The following SEC22C variants were observed in gnomAD, a reference collection of about 807,000 sequenced individuals.
SEC22C encodes vesicle-trafficking protein SEC22c.
Under a neutral mutation model 34.7 loss-of-function variants are expected in SEC22C, and 29 were observed. That is an observed-to-expected ratio of 0.84 (90% CI 0.62 to 1.14). SEC22C has a LOEUF of 1.14. Among genes scored for constraint, SEC22C ranks in the 50% most tolerant of loss-of-function variants. The probability of loss-of-function intolerance (pLI) is 0.00; values close to 1 mark genes in which losing one functional copy is unlikely to be tolerated. For synonymous variants in SEC22C, 117 were observed against 132.8 expected, an observed-to-expected ratio of 0.88 and a Z score of 0.82; for missense variants, 337 against 369.0, an observed-to-expected ratio of 0.91 and a Z score of 0.71.
chr3:42,561,840 T>C (rs987274582), intron 3 of SEC22C, among the ~76,000 whole-genome samples: 3 of 152,188 alleles, frequency 2.0e-5, no homozygotes, highest in Non-Finnish European at 4.4e-5. Context: ...AAGGCAATAA[T>C]GCATCACAGA....
chr3:42,586,058 C>G (rs1385742815), upstream of SEC22C, among the ~76,000 whole-genome samples: 1 of 152,152 alleles, frequency 6.6e-6, no homozygotes, highest in Non-Finnish European at 1.5e-5. Context: ...CCTTCTTTCC[C>G]CTCTCCCCTT....
At chr3:42,585,385 A>T (rs930980220), upstream of SEC22C, among the ~76,000 whole-genome samples, 1 of 152,182 alleles carries the variant, frequency 6.6e-6, no homozygotes, top group Admixed American at 6.5e-5. Flanking sequence ...AGTCCTCTTC[A>T]GTCCTCCACT....
upstream of SEC22C, among the ~76,000 whole-genome samples, chr3:42,585,221 T>TAGA (rs1371200662): frequency 6.6e-6 from 1 of 152,200 alleles, no homozygotes; most frequent in African/African-American, 2.4e-5. Flanking sequence ...AACAGGACCT[T>TAGA]ACACTCTCTG....
At position 42,553,034 on chromosome 3, in the gene SEC22C, G is replaced by C; in HGVS notation, c.*214C>G. ...CTAGGTAAACGTGCTGAACTGGCTG[G>C]AGATCCTGCAGTAATGCTTGGCACA... On this transcript the variant is annotated 3_prime_UTR_variant, in exon 7 of 7. Coordinates refer to ENST00000264454, the MANE Select transcript of SEC22C (RefSeq NM_032970.4). The C allele has an allele frequency of 7.1e-7, 1 of 1,400,534 alleles. No homozygotes were observed. The highest frequency in any genetic ancestry group is 9.3e-7 in the Non-Finnish European group (1 of 1,080,698). 86.8% of individuals were successfully genotyped at this position (1,400,534 alleles called of 1,614,324 possible). A position where few individuals can be genotyped will look rare whatever the true frequency, so the allele number is the denominator to read the frequency against.
intron 6 of SEC22C, among the ~76,000 whole-genome samples, chr3:42,554,892 C>T (rs559600018): frequency 8.1e-4 from 124 of 152,154 alleles, no homozygotes; most frequent in Non-Finnish European, 1.4e-3. Flanking sequence ...ATGAAAATAA[C>T]TAATCAAAAC....
At position 42,568,990 on chromosome 3, in the gene SEC22C, T is replaced by C. The variant is rs747484329; in HGVS notation, c.57A>G (p.Ser19=). ...VVRVRDGLPL[S]ASTDFYHTQD... ...GGGTGTGGTAAAAATCAGTAGAGGC[T>C]GAGAGGGGCAGTCCATCCCTTACCC... The change falls in exon 2 of 7, where the codon TCA becomes TCG. Residue 19 remains serine, a synonymous_variant. Coordinates refer to ENST00000264454, the MANE Select transcript of SEC22C (RefSeq NM_032970.4). 6.2e-7 allele frequency: 1 copy of C among 1,613,954 alleles called. No homozygotes were observed. The highest frequency in any genetic ancestry group is 1.7e-5 in the Admixed American group (1 of 59,986).
Position 42,551,487 on chromosome 3 carries a change from A to C in SEC22C, c.*1761T>G, listed in dbSNP as rs1702256162. On this transcript the variant is annotated 3_prime_UTR_variant, in exon 7 of 7. Transcript: ENST00000264454. ...CTCCCAAAGTGCTGGGATTACAGGC[A>C]TGTGCCATCACATCCGGCTAATTTT... is the stretch of plus-strand genomic sequence containing the variant. The C allele has an allele frequency of 1.8e-5, 9 of 493,300 alleles. No individual in the cohort carries two copies. Among genetic ancestry groups the C allele is most frequent in the Non-Finnish European group, 2.4e-5 (9 of 380,656 alleles). The allele number at this position is 493,300 out of a possible 1,614,324, so 30.6% of individuals were successfully genotyped here.
intron 3 of SEC22C, among the ~76,000 whole-genome samples, chr3:42,561,699 T>C (rs1460649325): frequency 6.6e-6 from 1 of 152,236 alleles, no homozygotes; most frequent in Non-Finnish European, 1.5e-5. Context: ...GAAGTTCACA[T>C]TTCTAAGAGC....
exon 1 of SEC22C, chr3:42,600,962 CT>C: frequency 1.3e-6 from 2 of 1,497,946 alleles, no homozygotes; most frequent in East Asian, 2.7e-5. Flanking sequence ...GCCCTGACCG[CT>C]TTTCTCCCCC....
intron 1 of SEC22C, among the ~76,000 whole-genome samples, chr3:42,599,267 G>A (rs867000835): frequency 3.3e-5 from 5 of 150,908 alleles, no homozygotes; most frequent in Non-Finnish European, 4.4e-5. Context: ...GCCCGCCCAT[G>A]TAATGTGTAT....
chr3:42,581,356 A>G (rs1704330215), intron 1 of SEC22C: 1 of 152,250 alleles, frequency 6.6e-6, no homozygotes, highest in Admixed American at 6.5e-5. Context: ...CTGGAGGTAC[A>G]TGTGTAAATC....
upstream of SEC22C, among the ~76,000 whole-genome samples, chr3:42,587,009 C>G (rs1159721445): frequency 6.6e-6 from 1 of 152,180 alleles, no homozygotes; most frequent in Admixed American, 6.5e-5. Flanking sequence ...TTTCCCTCCC[C>G]ACTTGATCAC....
At chr3:42,577,297 G>A (rs1704028502) in intron 1 of SEC22C, among the ~76,000 whole-genome samples, 1 of 152,084 alleles carries the variant, frequency 6.6e-6, no homozygotes, top group African/African-American at 2.4e-5. Flanking sequence ...TGCTTCTCTA[G>A]GAAAGCCCAT....
At chr3:42,573,386 A>T (rs1703762878) in intron 1 of SEC22C, 1 of 152,176 alleles carries the variant, frequency 6.6e-6, no homozygotes, top group African/African-American at 2.4e-5. Flanking sequence ...TTAGCCGGGC[A>T]TGGTGGCACA....
chr3:42,587,796 G>T (rs929564558), intron 1 of SEC22C, among the ~76,000 whole-genome samples: 7 of 151,968 alleles, frequency 4.6e-5, no homozygotes, highest in African/African-American at 1.7e-4. Flanking sequence ...TTTAGGCCAG[G>T]CTCTGTGGCT....
Position 42,553,131 on chromosome 3 carries a change from T to C in SEC22C, c.*117A>G. 6.8e-7 allele frequency: 1 copy of C among 1,476,904 alleles called. No individual in the cohort carries two copies. Among genetic ancestry groups the C allele is most frequent in the African/African-American group, 1.4e-5 (1 of 71,060 alleles). 91.5% of individuals were successfully genotyped at this position (1,476,904 alleles called of 1,614,324 possible). A position where few individuals can be genotyped will look rare whatever the true frequency, so the allele number is the denominator to read the frequency against. On this transcript the variant is annotated 3_prime_UTR_variant, in exon 7 of 7. Transcript: ENST00000264454. ...GTTTAACATCCCCAATTCCTGGTTTTTCAGTCCAGTTGGCTGAAAAGGATG... is the reference window on the plus strand; with the variant it reads ...GTTTAACATCCCCAATTCCTGGTTTCTCAGTCCAGTTGGCTGAAAAGGATG...
upstream of SEC22C, among the ~76,000 whole-genome samples, chr3:42,585,454 AC>A (rs1036660112): frequency 6.6e-6 from 1 of 152,150 alleles, no homozygotes; most frequent in African/African-American, 2.4e-5. Flanking sequence ...AAATGCAGAC[AC>A]CTGATCTTTC....
chr3:42,574,363 CAAAA>C (rs202174342), intron 1 of SEC22C, among the ~76,000 whole-genome samples: 5 of 87,882 alleles, frequency 5.7e-5, no homozygotes, highest in Non-Finnish European at 2.2e-5. Flanking sequence ...GACCCTGTCT[CAAAA>C]AAAAAAAAAA....
chr3:42,576,162 T>A (rs6793102), intron 1 of SEC22C, among the ~76,000 whole-genome samples: 3 of 151,790 alleles, frequency 2.0e-5, no homozygotes, highest in African/African-American at 4.8e-5. Context: ...TTGAACTAGA[T>A]GAAAATGAAA....
Sources: allele counts gnomAD v4.1 joint callset (sites outside exome capture counted in the v4.1 genomes callset), GRCh38; gene constraint gnomAD v4.1.1; transcripts MANE v1.5; gene names NCBI Gene and HGNC (gene_info 2026-07-23, HGNC 2026-07-21).